The following DVL1 variants were observed in gnomAD, a reference collection of about 807,000 sequenced individuals.
The protein encoded by DVL1 is segment polarity protein dishevelled homolog DVL-1.
In DVL1, 49 loss-of-function variants were observed where a neutral mutation model predicts 65.0. That is an observed-to-expected ratio of 0.75 (90% confidence interval 0.60 to 0.96). The LOEUF (loss-of-function observed/expected upper bound fraction) is 0.96, where lower values mean the gene tolerates loss of function less well. Among genes scored for constraint, DVL1 ranks in the 40% least tolerant of loss-of-function variants. The probability of loss-of-function intolerance (pLI) is 0.00; values close to 1 mark genes in which losing one functional copy is unlikely to be tolerated. For synonymous variants in DVL1, 608 were observed against 433.9 expected, an observed-to-expected ratio of 1.40 and a Z score of -4.99; for missense variants, 1,197 against 1,045.4, an observed-to-expected ratio of 1.15 and a Z score of -2.00.
Position 1,338,172 on chromosome 1 carries a change from G to A in DVL1, c.1519C>T (p.Leu507=). ...FGDLCSNLAT[L]NLNSGSSGTS... Reference sequence around the variant, plus strand: ...CCACTGGAGCCACTGTTGAGGTTCAGGGTGGCGAGATCTGGCGGGGGAGGG... The same window carrying A: ...CCACTGGAGCCACTGTTGAGGTTCAAGGTGGCGAGATCTGGCGGGGGAGGG... The change falls in exon 14 of 15, where the codon CTG becomes TTG. Residue 507 remains leucine (L), a synonymous_variant. Transcript: ENST00000378888. 2.5e-6 allele frequency: 4 copies of A among 1,606,168 alleles called. No individual in the cohort carries two copies. The highest frequency in any genetic ancestry group is 3.4e-6 in the Non-Finnish European group (4 of 1,176,228).
In DVL1 at chr1:1,336,312, C is replaced by T; in HGVS notation, c.1918G>A (p.Gly640Arg). The T allele has an allele frequency of 1.3e-6, 2 of 1,567,954 alleles. 1 individual carries two copies. Among genetic ancestry groups the T allele is most frequent in the Middle Eastern group, 3.4e-4 (2 of 5,968 alleles). Residue 640 changes from glycine to arginine, a missense_variant, in exon 15 of 15, where the codon GGG becomes AGG. Transcript: ENST00000378888. ...PRSQASATAPGLPPPHPTTKA... is the reference protein window; with the variant it reads ...PRSQASATAPRLPPPHPTTKA... ...GTCGTGGGGTGGGGCGGGGGGAGCC[C>T]CGGGGCGGTAGCCGAGGCCTGACTG...
intron 5 of DVL1, among the ~76,000 whole-genome samples, chr1:1,341,123 G>C (rs1343991972): frequency 7.5e-6 from 1 of 132,496 alleles, no homozygotes; most frequent in African/African-American, 3.0e-5. Context: ...ACGCACGCCT[G>C]CACATGCACA....
intron 5 of DVL1, 95 bp from the exon 6 acceptor site, chr1:1,340,598 G>C: frequency 7.3e-7 from 1 of 1,361,730 alleles, no homozygotes; most frequent in Non-Finnish European, 1.0e-6. Flanking sequence ...CGGGGGTCTA[G>C]GCCAGGCTTG....
At chr1:1,341,479 AAAC>A (rs1643825006) in intron 5 of DVL1, among the ~76,000 whole-genome samples, 185 bp downstream of exon 5, 1 of 151,908 alleles carries the variant, frequency 6.6e-6, no homozygotes, top group Non-Finnish European at 1.5e-5. Flanking sequence ...TGCACAGTGA[AAAC>A]ACCTCATGTG....
chr1:1,340,395 C>T lies in DVL1; in HGVS notation c.699+15G>A, dbSNP rs754532164. On this transcript the variant is annotated intron_variant, in intron 6 of 14. Coordinates refer to ENST00000378888, the MANE Select transcript of DVL1 (RefSeq NM_001330311.2). ...TCGCCTCCCCAGCCCCGCCCTGCTC[C>T]ACCCGGCTGCCTACCCGGTCCGCCT... 1.2e-6 allele frequency: 2 copies of T among 1,611,996 alleles called. No homozygotes were observed. Among genetic ancestry groups the T allele is most frequent in the East Asian group, 2.2e-5 (1 of 44,806 alleles).
intron 5 of DVL1, among the ~76,000 whole-genome samples, chr1:1,341,064 CCTG>C (rs1453820687): frequency 1.3e-5 from 2 of 149,914 alleles, no homozygotes; most frequent in Admixed American, 1.3e-4. Context: ...CACATGCACA[CCTG>C]CACACACGCA....
At chr1:1,342,553 G>A in intron 2 of DVL1, 69 bp from the exon 3 acceptor site, 3 of 1,580,214 alleles carry the variant, frequency 1.9e-6, no homozygotes, top group Non-Finnish European at 2.6e-6. Flanking sequence ...GGCACCCAGG[G>A]AACAGGGGGC....
chr1:1,338,323 T>C lies in DVL1; in HGVS notation c.1453A>G (p.Asn485Asp). 6.2e-7 allele frequency: 1 copy of C among 1,612,794 alleles called. No individual in the cohort carries two copies. The change falls in exon 13 of 15, where the codon AAC becomes GAC. Residue 485 changes from asparagine to aspartate, a missense_variant. Physicochemically the swap from Asn to Asp is conservative, Grantham distance 23. Coordinates refer to ENST00000378888, the MANE Select transcript of DVL1 (RefSeq NM_001330311.2). Reference protein sequence around the residue: ...LKHGFLRHTVNKITFSEQCYY... With the variant: ...LKHGFLRHTVDKITFSEQCYY... ...CACTGCTCGGAGAAGGTGATCTTGT[T>C]GACCGTGTGCCGCAGGAAGCCGTGC...
intron 1 of DVL1, among the ~76,000 whole-genome samples, chr1:1,344,273 G>A (rs868755081): frequency 6.6e-6 from 1 of 152,222 alleles, no homozygotes; most frequent in African/African-American, 2.4e-5. Context: ...TGGCCTGGCC[G>A]CACACCTGGC....
chr1:1,343,464 G>A (rs1643877705), intron 1 of DVL1, among the ~76,000 whole-genome samples: 1 of 152,238 alleles, frequency 6.6e-6, no homozygotes, highest in African/African-American at 2.4e-5. Flanking sequence ...CAGGCCACCT[G>A]CACCCACCCC....
chr1:1,346,039 G>T (rs1221133708), intron 1 of DVL1, among the ~76,000 whole-genome samples: 2 of 152,264 alleles, frequency 1.3e-5, no homozygotes, highest in East Asian at 3.9e-4. Context: ...TGCAGTAGGT[G>T]AACTGCCTGG....
rs751211931 is a variant in DVL1, at chr1:1,338,100, G to A, written c.1591C>T (p.Pro531Ser). 7 of 1,610,002 alleles carry A rather than the reference G, an allele frequency of 4.3e-6. No individual in the cohort carries two copies. The South Asian group carries it at 4.4e-5, about 10-fold the overall frequency. Residue 531 changes from proline (P) to serine (S), a missense_variant, in exon 14 of 15, where the codon CCC (proline) becomes TCC (serine). Physicochemically the swap from Pro to Ser is moderately conservative, Grantham distance 74. Transcript: ENST00000378888. ...TLAPLPHPAA[P>S]WPLGQGYPYQ... ...GGGTAGCCCTGACCCAGAGGCCAGG[G>A]GGCAGCCGGGTGGGGCAGCGGGGCC...
In DVL1 at chr1:1,336,665, G is replaced by A. The variant is rs142868903; in HGVS notation, c.1715-150C>T. 0.033 allele frequency: 35,350 copies of A among 1,077,972 alleles called. 682 individuals carry two copies. The highest frequency in any genetic ancestry group is 0.039 in the South Asian group (1,950 of 50,036). The allele number at this position is 1,077,972 out of a possible 1,614,324, so 66.8% of individuals were successfully genotyped here. ...GCCATGCAGGCGCGAGGACAGGGCC[G>A]GCACCCCCAGGGTCGCAGGGGCAGC... On this transcript the variant is annotated intron_variant, in intron 14 of 14. Transcript: ENST00000378888.
intron 4 of DVL1, 33 bp from the exon 5 acceptor site, chr1:1,341,838 G>C (rs768846466): frequency 6.5e-7 from 1 of 1,544,704 alleles, no homozygotes; most frequent in Non-Finnish European, 8.8e-7. Context: ...ACTGACTGCA[G>C]GGTCTCCCAG....
chr1:1,348,896 C>G lies in DVL1; in HGVS notation c.170G>C (p.Gly57Ala). The change falls in exon 1 of 15, where the codon GGG becomes GCG. Residue 57 changes from glycine (G) to alanine (A), a missense_variant and splice_region_variant. Coordinates refer to ENST00000378888, the MANE Select transcript of DVL1 (RefSeq NM_001330311.2). The part of the protein sequence containing the change: ...FFFKSMDQDF[G>A]VVKEEIFDDN... ...CGCGCAGGCCTCGCGGCCGACTGACCCGAAGTCCTGGTCCATGGACTTAAA... is the reference window on the plus strand; with the variant it reads ...CGCGCAGGCCTCGCGGCCGACTGACGCGAAGTCCTGGTCCATGGACTTAAA... 1 of 1,547,550 alleles carries G rather than the reference C, an allele frequency of 6.5e-7. No homozygotes were observed. The highest frequency in any genetic ancestry group is 8.7e-7 in the Non-Finnish European group (1 of 1,144,032).
At chr1:1,348,844 G>A (rs1643966879) in intron 1 of DVL1, 52 bp downstream of exon 1, 6 of 1,436,184 alleles carry the variant, frequency 4.2e-6, no homozygotes, top group Non-Finnish European at 5.5e-6. Flanking sequence ...GCGCGGGCAG[G>A]TGCGACCCCC....
rs1035605245 is a variant in DVL1 at position 1,336,521 on chromosome 1, A to G, written c.1715-6T>C. 3 of 1,505,182 alleles carry G rather than the reference A, an allele frequency of 2.0e-6. No homozygotes were observed. The highest frequency in any genetic ancestry group is 2.6e-6 in the Non-Finnish European group (3 of 1,135,916). The allele number at this position is 1,505,182 out of a possible 1,614,324, so 93.2% of individuals were successfully genotyped here. A position where few individuals can be genotyped will look rare whatever the true frequency, so the allele number is the denominator to read the frequency against. ...GGACCCACTGCTTTTGCTCCCTGGG[A>G]GTGAGAACAGGATGGGGAAGGAGCC... On this transcript the variant is annotated splice_region_variant and splice_polypyrimidine_tract_variant and intron_variant, in intron 14 of 14. Coordinates refer to ENST00000378888, the MANE Select transcript of DVL1 (RefSeq NM_001330311.2).
chr1:1,336,015 G>C lies in DVL1; in HGVS notation c.*127C>G. ...CAGCCAGGCTGCCAGGGCAGATGGT[G>C]GTGGTCCAGCCTGCCCCCCACCCTG... is the stretch of plus-strand genomic sequence containing the variant. On this transcript the variant is annotated 3_prime_UTR_variant, in exon 15 of 15. Coordinates refer to ENST00000378888, the MANE Select transcript of DVL1 (RefSeq NM_001330311.2). The C allele has an allele frequency of 7.8e-7, 1 of 1,282,780 alleles. No individual in the cohort carries two copies. Among genetic ancestry groups the C allele is most frequent in the Non-Finnish European group, 1.1e-6 (1 of 943,548 alleles). 79.5% of individuals were successfully genotyped at this position (1,282,780 alleles called of 1,614,324 possible). A position where few individuals can be genotyped will look rare whatever the true frequency, so the allele number is the denominator to read the frequency against.
intron 8 of DVL1, 42 bp downstream of exon 8, chr1:1,339,996 C>G: frequency 6.3e-7 from 1 of 1,593,266 alleles, no homozygotes; most frequent in Non-Finnish European, 8.5e-7. Context: ...CCCACGGACC[C>G]ACCCGCAGCT....
Sources: allele counts gnomAD v4.1 joint callset (sites outside exome capture counted in the v4.1 genomes callset), GRCh38; gene constraint gnomAD v4.1.1; transcripts MANE v1.5; gene names NCBI Gene and HGNC (gene_info 2026-07-23, HGNC 2026-07-21).